Variants in KCNIP4 observed in about 807,000 individuals in gnomAD.
KCNIP4 encodes the protein Kv channel-interacting protein 4.
Under a neutral mutation model 34.0 loss-of-function variants are expected in KCNIP4, and 12 were observed. The ratio of observed to expected loss-of-function variants is 0.35; its 90% CI spans 0.23 to 0.57. The LOEUF is 0.57. Among genes scored for constraint, KCNIP4 ranks in the 20% least tolerant of loss-of-function variants. The pLI is 0.83. For missense variants in KCNIP4, 238 were observed against 311.7 expected (o/e 0.76, Z 1.78); for synonymous variants, 124 against 102.2 (o/e 1.21, Z -1.29).
At position 21,580,164 on chromosome 4, in the gene KCNIP4, C is replaced by T. The variant is rs563138028; in HGVS notation, c.61+368407G>A. ...ACAGTATCAGGGTTCTCAGTGTATG[C>T]GTTCTCATGTTTGGAAAGAATAAGG... On this transcript the variant is annotated intron_variant, in intron 1 of 8. Transcript: ENST00000382152. 5.3e-5 allele frequency among the ~76,000 whole-genome samples: 8 copies of T among 152,118 alleles called. No homozygotes were observed. In the South Asian group the frequency reaches 6.2e-4, roughly 12 times the overall value.
intron 1 of KCNIP4, among the ~76,000 whole-genome samples, chr4:21,421,632 G>A (rs1725459359): frequency 6.6e-6 from 1 of 152,114 alleles, no homozygotes; most frequent in Non-Finnish European, 1.5e-5. Context: ...GGGATGGAAA[G>A]CTATTGGTCA....
intron 1 of KCNIP4, among the ~76,000 whole-genome samples, chr4:21,037,877 G>A (rs932751589): frequency 6.6e-6 from 1 of 152,144 alleles, no homozygotes; most frequent in Admixed American, 6.5e-5. Flanking sequence ...CATTTAGCTT[G>A]ATCTTTCTCA....
At chr4:21,917,961 A>T (rs1202895035) in intron 1 of KCNIP4, among the ~76,000 whole-genome samples, 1 of 152,186 alleles carries the variant, frequency 6.6e-6, no homozygotes, top group African/African-American at 2.4e-5. Flanking sequence ...TTTGGCTCTT[A>T]GAGTGCTACA....
intron 2 of KCNIP4, among the ~76,000 whole-genome samples, chr4:20,875,080 G>A (rs1723866942): frequency 6.6e-6 from 1 of 151,918 alleles, no homozygotes; most frequent in Admixed American, 6.6e-5. Context: ...ATTCGTGGAT[G>A]GTGAAAGGCC....
At chr4:21,330,269 T>C (rs1715498885) in intron 1 of KCNIP4, among the ~76,000 whole-genome samples, 1 of 152,178 alleles carries the variant, frequency 6.6e-6, no homozygotes, top group Non-Finnish European at 1.5e-5. Context: ...ATTAAAGAAG[T>C]TGTCAATTAT....
chr4:21,199,729 G>A (rs897132655), intron 1 of KCNIP4, among the ~76,000 whole-genome samples: 2 of 151,812 alleles, frequency 1.3e-5, no homozygotes, highest in African/African-American at 4.9e-5. Context: ...CTGCTATAAA[G>A]ATACATGCAC....
chr4:20,990,195 A>C (rs1736965942), intron 1 of KCNIP4, among the ~76,000 whole-genome samples: 1 of 151,972 alleles, frequency 6.6e-6, no homozygotes, highest in African/African-American at 2.4e-5. Context: ...GGTGCCCTCT[A>C]CTCTACCCTC....
intron 1 of KCNIP4, among the ~76,000 whole-genome samples, chr4:21,481,073 T>C (rs537819356): frequency 1.3e-5 from 2 of 152,176 alleles, no homozygotes; most frequent in Non-Finnish European, 2.9e-5. Flanking sequence ...TGGAACAGGC[T>C]AGAGAGTTCC....
chr4:21,346,901 AACC>A (rs1484128799), intron 1 of KCNIP4, among the ~76,000 whole-genome samples: 1 of 152,168 alleles, frequency 6.6e-6, no homozygotes, highest in Non-Finnish European at 1.5e-5. Flanking sequence ...GCTACGATCA[AACC>A]ACCAAATCAA....
At chr4:20,936,343 G>T (rs1468806865) in intron 1 of KCNIP4, among the ~76,000 whole-genome samples, 2 of 151,770 alleles carry the variant, frequency 1.3e-5, no homozygotes, top group Non-Finnish European at 2.9e-5. Flanking sequence ...ATAGAAAACG[G>T]GTTCATTTAT....
chr4:20,944,159 C>A (rs568700719), intron 1 of KCNIP4, among the ~76,000 whole-genome samples: 12 of 152,130 alleles, frequency 7.9e-5, no homozygotes, highest in Non-Finnish European at 1.8e-4. Context: ...ACACATTGAC[C>A]ATAGATAGCC....
At chr4:21,490,695 A>G (rs2109859195) in intron 1 of KCNIP4, among the ~76,000 whole-genome samples, 1 of 152,318 alleles carries the variant, frequency 6.6e-6, no homozygotes, top group Middle Eastern at 3.4e-3. Flanking sequence ...TTGTAACAAA[A>G]GGTTTTTACT....
intron 1 of KCNIP4, among the ~76,000 whole-genome samples, chr4:21,454,898 T>C (rs1728794345): frequency 6.6e-6 from 1 of 152,054 alleles, no homozygotes; most frequent in South Asian, 2.1e-4. Flanking sequence ...AAGAAATATT[T>C]GGACAATCCT....
chr4:21,488,757 C>A (rs1338538675), intron 1 of KCNIP4, among the ~76,000 whole-genome samples: 1 of 151,964 alleles, frequency 6.6e-6, no homozygotes. Context: ...TTCCAGAAAG[C>A]AGAGAAAAGT....
At chr4:21,440,603 C>T (rs1560407993) in intron 1 of KCNIP4, among the ~76,000 whole-genome samples, 2 of 152,166 alleles carry the variant, frequency 1.3e-5, no homozygotes, top group African/African-American at 4.8e-5. Flanking sequence ...GGGCGTCCGC[C>T]GGATGGAACT....
chr4:21,622,240 T>G (rs1296798587), intron 1 of KCNIP4, among the ~76,000 whole-genome samples: 1 of 152,170 alleles, frequency 6.6e-6, no homozygotes, highest in Non-Finnish European at 1.5e-5. Context: ...AGTCTTTTAA[T>G]GACTTTACCC....
chr4:21,110,397 G>A (rs1276504781), intron 1 of KCNIP4, among the ~76,000 whole-genome samples: 5 of 152,166 alleles, frequency 3.3e-5, no homozygotes, highest in East Asian at 3.9e-4. Flanking sequence ...AGACCAATGA[G>A]GGTTTTGCAG....
intron 1 of KCNIP4, among the ~76,000 whole-genome samples, chr4:21,269,062 T>G (rs1456447084): frequency 6.6e-6 from 1 of 152,174 alleles, no homozygotes; most frequent in East Asian, 1.9e-4. Flanking sequence ...GGAAGAGGCC[T>G]TGTATACCAT....
chr4:20,872,683 A>G (rs941394916), intron 2 of KCNIP4, among the ~76,000 whole-genome samples: 4 of 152,260 alleles, frequency 2.6e-5, no homozygotes, highest in Admixed American at 2.0e-4. Flanking sequence ...AAAATATTAC[A>G]TAAAACAAAG....
Sources: allele counts gnomAD v4.1 joint callset (sites outside exome capture counted in the v4.1 genomes callset), GRCh38; gene constraint gnomAD v4.1.1; transcripts MANE v1.5; gene names NCBI Gene and HGNC (gene_info 2026-07-23, HGNC 2026-07-21).